The following GCNT2 variants were observed in gnomAD, a reference collection of about 807,000 sequenced individuals.
GCNT2 encodes glucosaminyl (N-acetyl) transferase 2 (I blood group).
In GCNT2, 34 loss-of-function variants were observed where a neutral mutation model predicts 34.2. The ratio of observed to expected loss-of-function variants is 1.00; its 90% CI spans 0.76 to 1.32. The LOEUF is 1.32. Among genes scored for constraint, GCNT2 ranks in the 40% most tolerant of loss-of-function variants. GCNT2 has a pLI of 0.00. For synonymous variants in GCNT2, 212 were observed against 188.0 expected (o/e 1.13, Z -1.04); for missense variants, 584 against 489.4 (o/e 1.19, Z -1.82).
At chr6:10,586,197 C>T (rs202027643) in intron 3 of GCNT2, 9 of 1,614,092 alleles carry the variant, frequency 5.6e-6, no homozygotes, top group South Asian at 2.2e-5. Flanking sequence ...ATCACCTTTG[C>T]GAAGTGTCCC....
intron 1 of GCNT2, among the ~76,000 whole-genome samples, chr6:10,522,008 C>T (rs1760939278): frequency 6.6e-6 from 1 of 151,912 alleles, no homozygotes; most frequent in Non-Finnish European, 1.5e-5. Flanking sequence ...CTGCCTCAGC[C>T]TCCTGAGTAG....
intron 1 of GCNT2, among the ~76,000 whole-genome samples, chr6:10,524,184 T>C (rs1188200683): frequency 6.6e-6 from 1 of 151,946 alleles, no homozygotes; most frequent in Non-Finnish European, 1.5e-5. Flanking sequence ...AAATGACTTA[T>C]TCAACGGCTC....
At chr6:10,600,425 T>C (rs997118569) in intron 3 of GCNT2, among the ~76,000 whole-genome samples, 7 of 152,218 alleles carry the variant, frequency 4.6e-5, no homozygotes, top group Non-Finnish European at 1.0e-4. Context: ...TACATACAGT[T>C]CACTCTCTTT....
chr6:10,546,290 G>A (rs188876038), intron 3 of GCNT2, among the ~76,000 whole-genome samples: 10 of 152,202 alleles, frequency 6.6e-5, no homozygotes, highest in African/African-American at 2.4e-5. Context: ...ACAATGTGGC[G>A]GTTAGGCCCA....
chr6:10,578,120 T>G (rs918618412), intron 3 of GCNT2, among the ~76,000 whole-genome samples: 2 of 152,088 alleles, frequency 1.3e-5, no homozygotes, highest in East Asian at 3.9e-4. Context: ...GCCAGGCGCA[T>G]TGGCTCACGC....
chr6:10,557,157 C>G, intron 3 of GCNT2: 1 of 1,549,638 alleles, frequency 6.5e-7, no homozygotes, highest in East Asian at 2.2e-5. Flanking sequence ...GTGATAAGAA[C>G]AACAGCGTTG....
At chr6:10,617,750 C>CTTTTTTTTTTTTTTTTTTTT (rs3064178) in intron 3 of GCNT2, among the ~76,000 whole-genome samples, 5 of 101,700 alleles carry the variant, frequency 4.9e-5, no homozygotes, top group African/African-American at 2.5e-4. Flanking sequence ...TGCATTTCTT[C>CTTTTTTTTTTTTTTTTTTTT]TTTTTTTTTT....
intron 3 of GCNT2, among the ~76,000 whole-genome samples, chr6:10,532,344 T>C (rs1008172900): frequency 6.6e-6 from 1 of 152,264 alleles, no homozygotes; most frequent in Non-Finnish European, 1.5e-5. Flanking sequence ...TTCATGTTTT[T>C]CAGAAACTTA....
intron 3 of GCNT2, 39 bp from the exon 4 acceptor site, chr6:10,621,312 G>T (rs775707422): frequency 1.3e-5 from 17 of 1,295,326 alleles, no homozygotes; most frequent in Middle Eastern, 1.8e-4. Context: ...CTTCTCTCAT[G>T]ACTCTCATCT....
At chr6:10,527,691 G>A (rs547801975) in intron 2 of GCNT2, 31 bp downstream of exon 2, 12 of 152,110 alleles carry the variant, frequency 7.9e-5, no homozygotes, top group East Asian at 3.9e-4. Flanking sequence ...AAGTATGAGT[G>A]TGGGGTAAGA....
intron 3 of GCNT2, chr6:10,557,078 C>T (rs1163758161): frequency 6.3e-7 from 1 of 1,593,222 alleles, no homozygotes; most frequent in Non-Finnish European, 8.5e-7. Context: ...AGGGGTGCTG[C>T]CCCCAGCTCA....
chr6:10,606,635 T>TTAAAGAAATTTAATGGAAATTTCCAC (rs1765324911), intron 3 of GCNT2, among the ~76,000 whole-genome samples: 1 of 140,286 alleles, frequency 7.1e-6, no homozygotes. Context: ...GAAATTTCCA[T>TTAAAGAAATTTAATGGAAATTTCCAC]TAAAGAAATT....
intron 3 of GCNT2, among the ~76,000 whole-genome samples, chr6:10,565,781 G>A (rs538576146): frequency 3.2e-4 from 48 of 151,794 alleles, no homozygotes; most frequent in African/African-American, 8.7e-4. Context: ...CACTTCTGGC[G>A]CCGTCGTCTA....
intron 3 of GCNT2, among the ~76,000 whole-genome samples, chr6:10,557,783 T>A (rs1762791214): frequency 6.6e-6 from 1 of 152,224 alleles, no homozygotes; most frequent in Non-Finnish European, 1.5e-5. Flanking sequence ...TGAGCCACCA[T>A]GCCTAGCCCA....
chr6:10,583,698 A>T (rs545466081), intron 3 of GCNT2, among the ~76,000 whole-genome samples: 2 of 152,226 alleles, frequency 1.3e-5, no homozygotes, highest in East Asian at 3.9e-4. Flanking sequence ...AGGAAGTTGG[A>T]GAGGGGGTTG....
intron 3 of GCNT2, among the ~76,000 whole-genome samples, chr6:10,559,497 G>A (rs1371815641): frequency 6.6e-6 from 1 of 152,186 alleles, no homozygotes; most frequent in Non-Finnish European, 1.5e-5. Flanking sequence ...GGGGAACCCA[G>A]GTAGAAAGAC....
At chr6:10,576,246 G>C (rs200382201) in intron 3 of GCNT2, among the ~76,000 whole-genome samples, 1 of 152,038 alleles carries the variant, frequency 6.6e-6, no homozygotes, top group East Asian at 1.9e-4. Flanking sequence ...TCAGATTTCA[G>C]GATCCATAAA....
intron 3 of GCNT2, chr6:10,558,004 C>A (rs949796212): frequency 4.6e-5 from 7 of 152,570 alleles, no homozygotes; most frequent in African/African-American, 1.7e-4. Flanking sequence ...TGGCCACCCT[C>A]CTGCCTACTC....
At chr6:10,581,915 A>G in intron 3 of GCNT2, 1 of 970,558 alleles carries the variant, frequency 1.0e-6, no homozygotes, top group Non-Finnish European at 1.2e-6. Context: ...TTCCCTTCAT[A>G]CAGTCACATT....
Sources: allele counts gnomAD v4.1 joint callset (sites outside exome capture counted in the v4.1 genomes callset), GRCh38; gene constraint gnomAD v4.1.1; transcripts MANE v1.5; gene names NCBI Gene and HGNC (gene_info 2026-07-23, HGNC 2026-07-21).